The following CDH4 variants were observed in gnomAD, a reference collection of about 807,000 sequenced individuals.
CDH4 encodes cadherin-4.
CDH4 carries 33 observed loss-of-function variants against 86.0 expected under a neutral mutation model. The observed-to-expected ratio is 0.38, with a 90% CI of 0.29 to 0.51. CDH4 has a LOEUF of 0.51. Ranked by LOEUF, CDH4 falls within the 20% of genes least tolerant of loss-of-function variation. CDH4 has a pLI of 0.86. For missense variants in CDH4, 1,114 were observed against 1,307.4 expected (o/e 0.85, Z 2.28); for synonymous variants, 555 against 549.4 (o/e 1.01, Z -0.14).
intron 5 of CDH4, 83 bp downstream of exon 5, chr20:61,844,906 G>A (rs1196653850): frequency 3.6e-6 from 5 of 1,382,198 alleles, no homozygotes; most frequent in African/African-American, 1.4e-5. Flanking sequence ...CCCCCAGCAG[G>A]GCCATGCCTG....
At chr20:61,457,662 T>A (rs2085415706) in intron 2 of CDH4, among the ~76,000 whole-genome samples, 2 of 151,422 alleles carry the variant, frequency 1.3e-5, no homozygotes, top group Non-Finnish European at 1.5e-5. Flanking sequence ...ATGGTCATGA[T>A]GATGACAGTG....
chr20:61,750,473 A>G (rs561597056), intron 3 of CDH4, among the ~76,000 whole-genome samples: 14 of 152,252 alleles, frequency 9.2e-5, no homozygotes, highest in Non-Finnish European at 1.8e-4. Flanking sequence ...TAAAATCCTT[A>G]TCACAAAGAA....
At chr20:61,397,268 C>T (rs1276249968) in intron 2 of CDH4, among the ~76,000 whole-genome samples, 1 of 152,114 alleles carries the variant, frequency 6.6e-6, no homozygotes, top group Non-Finnish European at 1.5e-5. Context: ...AGTGAGGCCT[C>T]TTCTGGGTGA....
intron 4 of CDH4, among the ~76,000 whole-genome samples, chr20:61,816,116 T>C (rs1980703613): frequency 6.6e-6 from 1 of 152,094 alleles, no homozygotes; most frequent in South Asian, 2.1e-4. Flanking sequence ...GGGCCCTGGG[T>C]TTGTGACCTG....
intron 2 of CDH4, among the ~76,000 whole-genome samples, chr20:61,281,571 T>G (rs2084259108): frequency 6.6e-6 from 1 of 152,234 alleles, no homozygotes; most frequent in Admixed American, 6.5e-5. Flanking sequence ...CAAGTGCTCC[T>G]GGTGGTCTGA....
intron 2 of CDH4, among the ~76,000 whole-genome samples, chr20:61,573,096 G>A (rs753785248): frequency 2.0e-5 from 3 of 152,120 alleles, no homozygotes; most frequent in African/African-American, 7.2e-5. Context: ...ATGGTTGGAC[G>A]GATGGATGGG....
At chr20:61,387,577 T>C (rs370107566) in intron 2 of CDH4, among the ~76,000 whole-genome samples, 142 of 151,386 alleles carry the variant, frequency 9.4e-4, no homozygotes, top group South Asian at 2.5e-3. Flanking sequence ...TACAGAGACA[T>C]AGACACACGC....
intron 2 of CDH4, among the ~76,000 whole-genome samples, chr20:61,296,256 TGTGTGCGTGTGTGTGTGTGCGTGGGTGC>T (rs1265199261): frequency 1.1e-4 from 2 of 18,558 alleles, no homozygotes; most frequent in East Asian, 1.8e-3. Flanking sequence ...TGTGTGTGCA[TGTGTGCGTGTGTGTGTGTGCGTGGGTGC>T]GTGTGTGTGT....
At chr20:61,667,163 T>C (rs1029039735) in intron 2 of CDH4, among the ~76,000 whole-genome samples, 5 of 151,910 alleles carry the variant, frequency 3.3e-5, no homozygotes, top group Non-Finnish European at 7.4e-5. Context: ...AGCCAGCACC[T>C]GGAGCCACAG....
At position 61,523,466 on chromosome 20, in the gene CDH4, C is replaced by G. The variant is rs535984504; in HGVS notation, c.170-220097C>G. Among the ~76,000 whole-genome samples the G allele has an allele frequency of 2.6e-5, 4 of 152,404 alleles. No individual in the cohort carries two copies. In the East Asian group the frequency reaches 7.7e-4, roughly 29 times the overall value. ...AGAGAAGGCATTTGCCTCCGTCATTCCCCGCCACGTGCTCTTCCAAAACCT... is the reference window on the plus strand; with the variant it reads ...AGAGAAGGCATTTGCCTCCGTCATTGCCCGCCACGTGCTCTTCCAAAACCT... On this transcript the variant is annotated intron_variant, in intron 2 of 15. Transcript: ENST00000614565.
At chr20:61,920,025 C>CGTG (rs2054953638) in intron 9 of CDH4, among the ~76,000 whole-genome samples, 1 of 8,310 alleles carries the variant, frequency 1.2e-4, no homozygotes. Context: ...TGCGTGGAAG[C>CGTG]GTGTCGTGAT....
At chr20:61,925,931 A>G (rs1341052436) in intron 11 of CDH4, among the ~76,000 whole-genome samples, 1 of 152,204 alleles carries the variant, frequency 6.6e-6, no homozygotes. Flanking sequence ...CAAAGCCCAG[A>G]ACTTACTGAT....
At chr20:61,403,980 T>G (rs953073437) in intron 2 of CDH4, among the ~76,000 whole-genome samples, 1 of 152,176 alleles carries the variant, frequency 6.6e-6, no homozygotes, top group African/African-American at 2.4e-5. Flanking sequence ...TTAATTATAT[T>G]TTATTGAAGT....
chr20:61,795,520 A>G (rs1314172020), intron 4 of CDH4, among the ~76,000 whole-genome samples: 5 of 152,320 alleles, frequency 3.3e-5, no homozygotes, highest in Non-Finnish European at 7.4e-5. Context: ...CCAGGACGAC[A>G]CATACGTTGT....
At chr20:61,728,021 A>G (rs921579277) in intron 2 of CDH4, among the ~76,000 whole-genome samples, 3 of 152,208 alleles carry the variant, frequency 2.0e-5, no homozygotes, top group Non-Finnish European at 4.4e-5. Flanking sequence ...GCGCCTCTTC[A>G]TTATGGAAGA....
intron 6 of CDH4, among the ~76,000 whole-genome samples, chr20:61,864,468 C>T (rs958837249): frequency 6.6e-6 from 1 of 150,806 alleles, no homozygotes; most frequent in Non-Finnish European, 1.5e-5. Flanking sequence ...CAGCACATGC[C>T]CCCAGAAACA....
intron 2 of CDH4, among the ~76,000 whole-genome samples, chr20:61,372,724 G>A (rs565142093): frequency 2.4e-4 from 36 of 150,402 alleles, no homozygotes; most frequent in Admixed American, 4.0e-4. Context: ...CGTGCCAGCC[G>A]GGTCTCAGTT....
At chr20:61,552,460 G>C (rs1263497577) in intron 2 of CDH4, among the ~76,000 whole-genome samples, 1 of 152,220 alleles carries the variant, frequency 6.6e-6, no homozygotes, top group Non-Finnish European at 1.5e-5. Context: ...AGCACTCTGG[G>C]AGTCCGAGGT....
chr20:61,687,722 C>T (rs1302481081), intron 2 of CDH4, among the ~76,000 whole-genome samples: 1 of 152,294 alleles, frequency 6.6e-6, no homozygotes, highest in South Asian at 2.1e-4. Context: ...GAAGTCTTGA[C>T]AGATTGCATT....
Sources: allele counts gnomAD v4.1 joint callset (sites outside exome capture counted in the v4.1 genomes callset), GRCh38; gene constraint gnomAD v4.1.1; transcripts MANE v1.5; gene names NCBI Gene and HGNC (gene_info 2026-07-23, HGNC 2026-07-21).